Variants in ATG14 observed in about 807,000 individuals in gnomAD.
ATG14 encodes autophagy related 14, also known as beclin 1-associated autophagy-related key regulator.
ATG14 carries 35 observed loss-of-function variants against 60.4 expected under a neutral mutation model. The observed-to-expected ratio is 0.58, with a 90% CI of 0.44 to 0.77. The LOEUF (loss-of-function observed/expected upper bound fraction) is 0.77, where lower values mean the gene tolerates loss of function less well. ATG14 is among the 30% of genes least tolerant of loss of function. The pLI, the probability that ATG14 is intolerant of heterozygous loss-of-function variation, is 0.00. For synonymous variants in ATG14, 234 were observed against 228.8 expected, an observed-to-expected ratio of 1.02 and a Z score of -0.21; for missense variants, 647 against 626.3, an observed-to-expected ratio of 1.03 and a Z score of -0.35.
At chr14:55,398,423 T>C (rs1455888609) in intron 1 of ATG14, among the ~76,000 whole-genome samples, 1 of 152,234 alleles carries the variant, frequency 6.6e-6, no homozygotes, top group African/African-American at 2.4e-5. Flanking sequence ...AATCTCCTTC[T>C]ATGCACTGTT....
chr14:55,394,355 C>T (rs565078487), intron 3 of ATG14, among the ~76,000 whole-genome samples: 5 of 152,098 alleles, frequency 3.3e-5, no homozygotes, highest in African/African-American at 7.2e-5. Context: ...AAGATCAGTA[C>T]ACAGACATTT....
At chr14:55,380,875 A>ATATATATATATATTTT (rs377330757) in intron 6 of ATG14, among the ~76,000 whole-genome samples, 185 bp from the exon 7 acceptor site, 5 of 112,726 alleles carry the variant, frequency 4.4e-5, no homozygotes, top group Admixed American at 9.0e-5. Flanking sequence ...ATATATATAT[A>ATATATATATATATTTT]TTTTTTTTTT....
intron 5 of ATG14, 71 bp downstream of exon 5, chr14:55,385,788 G>A: frequency 2.4e-6 from 3 of 1,268,150 alleles, no homozygotes; most frequent in Non-Finnish European, 3.3e-6. Flanking sequence ...CAATAAATAA[G>A]GTAATGACAT....
rs766235588 is a variant in ATG14, at chr14:55,377,816, T to C, written c.1172+3A>G. The C allele has an allele frequency of 6.4e-7, 1 of 1,565,878 alleles. No individual in the cohort carries two copies. Among genetic ancestry groups the C allele is most frequent in the African/African-American group, 1.4e-5 (1 of 72,510 alleles). On this transcript the variant is annotated splice_donor_region_variant and intron_variant, in intron 9 of 9. Transcript: ENST00000247178. ...TAGAGAAAAGCAACAAATATCTTCT[T>C]ACCTGCCTAGGTGTTCAGAGCTTGG...
intron 9 of ATG14, among the ~76,000 whole-genome samples, 181 bp downstream of exon 9, chr14:55,377,638 C>CA (rs1326778878): frequency 2.6e-5 from 4 of 151,600 alleles, no homozygotes; most frequent in South Asian, 2.1e-4. Flanking sequence ...GACATGATTA[C>CA]AAAAAAAACC....
chr14:55,370,034 C>A (rs1442063462), intron 9 of ATG14, 109 bp from the exon 10 acceptor site: 31 of 1,050,354 alleles, frequency 3.0e-5, no homozygotes, highest in South Asian at 3.9e-5. Flanking sequence ...ACGCCGCACA[C>A]CCCATTCATT....
At chr14:55,373,288 G>A (rs1884857241) in intron 9 of ATG14, among the ~76,000 whole-genome samples, 2 of 151,964 alleles carry the variant, frequency 1.3e-5, no homozygotes, top group Admixed American at 6.6e-5. Context: ...ACCAATTAAG[G>A]CAACAAAAGG....
intron 5 of ATG14, 119 bp downstream of exon 5, chr14:55,385,740 T>C: frequency 1.1e-6 from 1 of 907,710 alleles, no homozygotes; most frequent in East Asian, 2.5e-5. Flanking sequence ...AGACTTATGT[T>C]CCATCACCAG....
At chr14:55,370,503 A>T (rs914104126) in intron 9 of ATG14, among the ~76,000 whole-genome samples, 1 of 152,206 alleles carries the variant, frequency 6.6e-6, no homozygotes, top group African/African-American at 2.4e-5. Context: ...GTATTTCAGG[A>T]GAAAACAATT....
intron 9 of ATG14, among the ~76,000 whole-genome samples, chr14:55,373,308 G>A (rs1255359754): frequency 6.6e-6 from 1 of 152,118 alleles, no homozygotes; most frequent in Non-Finnish European, 1.5e-5. Flanking sequence ...GATCTTTCTA[G>A]CTTTGTAAAA....
At chr14:55,408,458 C>A (rs955630884) in intron 1 of ATG14, among the ~76,000 whole-genome samples, 3 of 151,850 alleles carry the variant, frequency 2.0e-5, no homozygotes, top group East Asian at 1.9e-4. Flanking sequence ...GTCCCCTCCC[C>A]CCTCAAACAA....
At chr14:55,371,735 C>T (rs1884822730) in intron 9 of ATG14, among the ~76,000 whole-genome samples, 1 of 152,052 alleles carries the variant, frequency 6.6e-6, no homozygotes, top group African/African-American at 2.4e-5. Context: ...ACCCCAGAGG[C>T]GGAGCTTGCA....
chr14:55,387,522 C>G (rs933535756), intron 4 of ATG14, among the ~76,000 whole-genome samples: 1 of 152,106 alleles, frequency 6.6e-6, no homozygotes, highest in Admixed American at 6.5e-5. Context: ...CTCTTGGTTC[C>G]TCAGATGAGG....
chr14:55,395,654 G>A (rs768294941), intron 3 of ATG14, among the ~76,000 whole-genome samples: 2 of 152,160 alleles, frequency 1.3e-5, no homozygotes, highest in Non-Finnish European at 2.9e-5. Flanking sequence ...TTTGGAGTGT[G>A]TATGATAAAT....
At chr14:55,381,573 CGAAT>C (rs1885034473) in intron 6 of ATG14, among the ~76,000 whole-genome samples, 1 of 152,148 alleles carries the variant, frequency 6.6e-6, no homozygotes, top group Non-Finnish European at 1.5e-5. Context: ...ACCATAAAAA[CGAAT>C]GAAACACTAA....
chr14:55,371,782 C>T (rs1252864547), intron 9 of ATG14, among the ~76,000 whole-genome samples: 2 of 151,468 alleles, frequency 1.3e-5, no homozygotes, highest in Middle Eastern at 3.5e-3. Context: ...CTAGCCTGGG[C>T]GACAGAGCGA....
chr14:55,381,061 C>A (rs1167719688), intron 6 of ATG14, among the ~76,000 whole-genome samples: 2 of 151,912 alleles, frequency 1.3e-5, no homozygotes, highest in Admixed American at 6.6e-5. Flanking sequence ...AGAGTCATCC[C>A]TTCCTCTGTA....
chr14:55,398,319 G>GTT (rs1213248324), intron 1 of ATG14, among the ~76,000 whole-genome samples: 1 of 151,892 alleles, frequency 6.6e-6, no homozygotes, highest in East Asian at 1.9e-4. Flanking sequence ...TGGGTTTTTT[G>GTT]TTTTTGTTTT....
Position 55,385,647 on chromosome 14 carries a change from G to A in ATG14, c.647+212C>T, listed in dbSNP as rs538756322. Among the ~76,000 whole-genome samples the A allele has an allele frequency of 2.6e-5, 4 of 152,300 alleles. No homozygotes were observed. In the South Asian group the frequency reaches 8.3e-4, roughly 32 times the overall value. ...TCAGCACCTCATCTAGAAGCTCTAG[G>A]ACAGTACACAAGTGTGGGCCCCACC... On this transcript the variant is annotated intron_variant, in intron 5 of 9. Coordinates refer to ENST00000247178, the MANE Select transcript of ATG14 (RefSeq NM_014924.5).
Sources: gnomAD v4.1 joint callset for allele counts (sites outside exome capture counted in the v4.1 genomes callset) on GRCh38, gnomAD v4.1.1 for gene constraint, MANE v1.5 for transcripts, NCBI Gene and HGNC (gene_info 2026-07-23, HGNC 2026-07-21) for gene names.